The following DACH2 variants were observed in gnomAD, a reference collection of about 807,000 sequenced individuals.
DACH2 encodes the protein dachshund family transcription factor 2, also known as dachshund homolog 2.
A neutral mutation model predicts 35.8 loss-of-function variants in DACH2; 17 were observed. The observed-to-expected ratio is 0.48, with a 90% CI of 0.33 to 0.71. DACH2 has a LOEUF of 0.71. DACH2 is among the 30% of genes least tolerant of loss of function. The pLI is 0.02. For missense variants in DACH2, 469 were observed against 472.7 expected, an observed-to-expected ratio of 0.99 and a Z score of 0.07; for synonymous variants, 195 against 177.3, an observed-to-expected ratio of 1.10 and a Z score of -0.79.
chrX:86,167,674 C>T (rs1448645545), intron 1 of DACH2, among the ~76,000 whole-genome samples: 2 of 110,877 alleles, frequency 1.8e-5, no homozygotes, highest in African/African-American at 6.5e-5. Flanking sequence ...TTGATGTACG[C>T]ACTTACAGCT....
intron 2 of DACH2, among the ~76,000 whole-genome samples, chrX:86,506,506 G>T (rs974627813): frequency 8.9e-6 from 1 of 111,735 alleles, no homozygotes; most frequent in Non-Finnish European, 1.9e-5. Context: ...TGATCCTTCT[G>T]CCTCAGCCTC....
intron 3 of DACH2, among the ~76,000 whole-genome samples, chrX:86,617,524 C>A (rs190855121): frequency 1.7e-3 from 187 of 111,235 alleles, no homozygotes; most frequent in African/African-American, 5.6e-3. Context: ...GTATTTTATT[C>A]TTTTTATGTA....
intron 3 of DACH2, among the ~76,000 whole-genome samples, chrX:86,628,678 A>G (rs1316002302): frequency 8.9e-6 from 1 of 112,458 alleles, no homozygotes; most frequent in Non-Finnish European, 1.9e-5. Flanking sequence ...AATAAAAACA[A>G]CAAAGAATCA....
intron 1 of DACH2, among the ~76,000 whole-genome samples, chrX:86,225,169 A>T (rs750603132): frequency 1.1e-4 from 12 of 111,987 alleles, no homozygotes; most frequent in Non-Finnish European, 1.9e-4. Flanking sequence ...GCTAGTTTGT[A>T]TATCTAAATA....
intron 2 of DACH2, among the ~76,000 whole-genome samples, chrX:86,476,287 G>A (rs1428710326): frequency 8.9e-6 from 1 of 111,823 alleles, no homozygotes; most frequent in African/African-American, 3.2e-5. Flanking sequence ...ATTCAGCAGT[G>A]AAGCCATCAG....
chrX:86,671,450 T>C (rs763476431), intron 4 of DACH2, among the ~76,000 whole-genome samples: 2 of 111,552 alleles, frequency 1.8e-5, no homozygotes, highest in African/African-American at 3.3e-5. Flanking sequence ...GTGGAGGTGA[T>C]TGAATGATGT....
chrX:86,619,661 T>C (rs1056585026), intron 3 of DACH2, among the ~76,000 whole-genome samples: 2 of 112,035 alleles, frequency 1.8e-5, no homozygotes, highest in African/African-American at 6.5e-5. Context: ...AGATACTGCA[T>C]AATACTGACC....
intron 2 of DACH2, among the ~76,000 whole-genome samples, chrX:86,426,482 G>A (rs2036895814): frequency 9.0e-6 from 1 of 111,706 alleles, no homozygotes; most frequent in Admixed American, 9.5e-5. Context: ...GAAAGTTATT[G>A]TAGAAGATTC....
chrX:86,489,840 AT>A (rs2038070187), intron 2 of DACH2, among the ~76,000 whole-genome samples: 2 of 111,543 alleles, frequency 1.8e-5, no homozygotes, highest in African/African-American at 6.5e-5. Context: ...GAAGGAGAAA[AT>A]TACTCTGGAT....
chrX:86,470,155 C>T (rs2037740394), intron 2 of DACH2, among the ~76,000 whole-genome samples: 2 of 111,009 alleles, frequency 1.8e-5, no homozygotes, highest in South Asian at 7.5e-4. Flanking sequence ...AAAAAGTCTT[C>T]ACGTGTAGGT....
intron 1 of DACH2, among the ~76,000 whole-genome samples, chrX:86,315,775 A>G (rs749528178): frequency 1.6e-4 from 17 of 103,183 alleles, no homozygotes; most frequent in African/African-American, 6.1e-4. Context: ...GGCCAAGGAA[A>G]TTGAGGGTCG....
At chrX:86,688,981 G>T (rs1016312070) in intron 4 of DACH2, among the ~76,000 whole-genome samples, 7 of 111,201 alleles carry the variant, frequency 6.3e-5, no homozygotes, top group Non-Finnish European at 1.3e-4. Context: ...GGTGACTAGT[G>T]GCTATTATAT....
At chrX:86,500,843 G>C (rs2038239550) in intron 2 of DACH2, among the ~76,000 whole-genome samples, 1 of 111,901 alleles carries the variant, frequency 8.9e-6, no homozygotes, top group Non-Finnish European at 1.9e-5. Context: ...CTCAAGGAGA[G>C]TACAAGCAGT....
chrX:86,714,348 T>G (rs1161734886), intron 5 of DACH2, among the ~76,000 whole-genome samples, 200 bp from the exon 6 acceptor site: 3 of 111,935 alleles, frequency 2.7e-5, no homozygotes, highest in Non-Finnish European at 3.8e-5. Flanking sequence ...ATATTTATAA[T>G]TAAATGTGTG....
chrX:86,295,273 C>T (rs994687926), intron 1 of DACH2, among the ~76,000 whole-genome samples: 8 of 112,190 alleles, frequency 7.1e-5, no homozygotes, highest in African/African-American at 1.6e-4. Flanking sequence ...CGCCCTGCTT[C>T]GGCTCGCGCA....
intron 2 of DACH2, among the ~76,000 whole-genome samples, chrX:86,483,180 A>G (rs1187941011): frequency 9.1e-6 from 1 of 109,359 alleles, no homozygotes; most frequent in Admixed American, 9.8e-5. Context: ...AGAAAAAGAG[A>G]GGAAGTGATT....
At position 86,592,420 on chromosome X, in the gene DACH2, C is replaced by G. The variant is rs1264645180; in HGVS notation, c.641-58616C>G. Among the ~76,000 whole-genome samples, 4 of 111,994 alleles carry G rather than the reference C, an allele frequency of 3.6e-5. No individual in the cohort carries two copies. The East Asian group carries it at 1.1e-3, about 32-fold the overall frequency. ...CACTATTACCACACTGTCTTGATTA[C>G]TATAAATTTATAGTAAGTCTTGGAA... On this transcript the variant is annotated intron_variant, in intron 3 of 11. Coordinates refer to ENST00000373125, the MANE Select transcript of DACH2 (RefSeq NM_053281.3).
chrX:86,247,591 T>G (rs2147948104), intron 1 of DACH2, among the ~76,000 whole-genome samples: 1 of 111,490 alleles, frequency 9.0e-6, no homozygotes, highest in Non-Finnish European at 1.9e-5. Flanking sequence ...AACAGACTTA[T>G]AATTTATGAG....
chrX:86,517,459 C>T (rs2038486398), intron 3 of DACH2, among the ~76,000 whole-genome samples: 1 of 105,887 alleles, frequency 9.4e-6, no homozygotes, highest in Admixed American at 1.0e-4. Context: ...TTCTGTCGCC[C>T]AGGCTGGAGT....
Sources: gnomAD v4.1 joint callset for allele counts (sites outside exome capture counted in the v4.1 genomes callset) on GRCh38, gnomAD v4.1.1 for gene constraint, MANE v1.5 for transcripts, NCBI Gene and HGNC (gene_info 2026-07-23, HGNC 2026-07-21) for gene names.